ALDH1A2: variants seen among roughly 807,000 people sequenced by gnomAD.
ALDH1A2 encodes the protein retinal dehydrogenase 2.
Under a neutral mutation model 60.3 loss-of-function variants are expected in ALDH1A2, and 27 were observed. The observed-to-expected ratio is 0.45, with a 90% CI of 0.33 to 0.62. The LOEUF (loss-of-function observed/expected upper bound fraction) is 0.62, where lower values mean the gene tolerates loss of function less well. Among genes scored for constraint, ALDH1A2 ranks in the 20% least tolerant of loss-of-function variants. ALDH1A2 has a pLI of 0.02. For synonymous variants in ALDH1A2, 289 were observed against 232.4 expected (o/e 1.24, Z -2.21); for missense variants, 581 against 643.8 (o/e 0.90, Z 1.06).
intron 1 of ALDH1A2, among the ~76,000 whole-genome samples, chr15:58,018,407 T>A (rs1055748003): frequency 6.6e-6 from 1 of 152,058 alleles, no homozygotes; most frequent in Non-Finnish European, 1.5e-5. Context: ...CTACTAGATG[T>A]GAAGAGATGA....
chr15:58,003,665 G>A (rs769278604), intron 4 of ALDH1A2, among the ~76,000 whole-genome samples: 3 of 151,810 alleles, frequency 2.0e-5, no homozygotes, highest in Non-Finnish European at 4.4e-5. Flanking sequence ...CTAAGTAAAT[G>A]AAAACCAAGC....
chr15:57,964,100 CT>C, intron 8 of ALDH1A2, 31 bp from the exon 9 acceptor site: 2 of 1,612,900 alleles, frequency 1.2e-6, no homozygotes, highest in Middle Eastern at 1.8e-4. Context: ...GTTCTCACCG[CT>C]TTGCCTGGGG....
chr15:58,054,170 A>T (rs1233378707), intron 1 of ALDH1A2, among the ~76,000 whole-genome samples: 1 of 152,140 alleles, frequency 6.6e-6, no homozygotes, highest in East Asian at 1.9e-4. Context: ...TAAACGAGAA[A>T]TAAGAGTTAT....
At chr15:57,975,939 G>T (rs1357722734) in intron 7 of ALDH1A2, among the ~76,000 whole-genome samples, 1 of 152,012 alleles carries the variant, frequency 6.6e-6, no homozygotes, top group Non-Finnish European at 1.5e-5. Flanking sequence ...GATACACATG[G>T]CCAAGACTTA....
At chr15:57,984,453 T>C (rs1894629875) in intron 7 of ALDH1A2, among the ~76,000 whole-genome samples, 1 of 152,202 alleles carries the variant, frequency 6.6e-6, no homozygotes, top group Non-Finnish European at 1.5e-5. Flanking sequence ...GAGTTGTGCA[T>C]CCATCACAAC....
intron 1 of ALDH1A2, among the ~76,000 whole-genome samples, chr15:58,027,608 A>C (rs1227526054): frequency 6.6e-6 from 1 of 152,158 alleles, no homozygotes; most frequent in African/African-American, 2.4e-5. Context: ...CTCTGAGCTA[A>C]AGGAGCATGT....
chr15:57,980,374 G>A, intron 7 of ALDH1A2: 1 of 374,252 alleles, frequency 2.7e-6, no homozygotes, highest in Non-Finnish European at 5.4e-6. Flanking sequence ...CAGCCTTGAT[G>A]AAGTTGGAGA....
At chr15:58,065,033 G>A (rs11637348) in intron 1 of ALDH1A2, among the ~76,000 whole-genome samples, 69 of 152,236 alleles carry the variant, frequency 4.5e-4, no homozygotes, top group Non-Finnish European at 8.4e-4. Flanking sequence ...CGGCCAGAGC[G>A]CTGGTGTCTT....
At chr15:57,997,970 A>G (rs1895120928) in intron 4 of ALDH1A2, among the ~76,000 whole-genome samples, 1 of 152,034 alleles carries the variant, frequency 6.6e-6, no homozygotes, top group African/African-American at 2.4e-5. Context: ...CAAAGAAAGG[A>G]GGCTACTTTC....
chr15:58,051,051 T>A (rs1313063773), intron 1 of ALDH1A2, among the ~76,000 whole-genome samples: 1 of 152,160 alleles, frequency 6.6e-6, no homozygotes, highest in Non-Finnish European at 1.5e-5. Flanking sequence ...TTTTTACATA[T>A]CTGTTGATAT....
chr15:57,984,445 G>T (rs1255875821), intron 7 of ALDH1A2, among the ~76,000 whole-genome samples: 6 of 152,132 alleles, frequency 3.9e-5, no homozygotes, highest in Non-Finnish European at 7.4e-5. Flanking sequence ...TATTAACAGA[G>T]TTGTGCATCC....
chr15:57,956,318 G>C (rs1182243588), intron 12 of ALDH1A2, among the ~76,000 whole-genome samples: 2 of 152,178 alleles, frequency 1.3e-5, no homozygotes, highest in South Asian at 4.1e-4. Flanking sequence ...ACAATTAGGA[G>C]ATATATTTGA....
intron 1 of ALDH1A2, among the ~76,000 whole-genome samples, chr15:58,025,161 G>A (rs1483775710): frequency 1.1e-4 from 16 of 151,938 alleles, no homozygotes; most frequent in African/African-American, 3.9e-4. Flanking sequence ...CCCCAAATTA[G>A]CAGAAGAAAA....
At chr15:58,062,231 T>C (rs1430805788) in intron 1 of ALDH1A2, among the ~76,000 whole-genome samples, 1 of 151,872 alleles carries the variant, frequency 6.6e-6, no homozygotes, top group African/African-American at 2.4e-5. Flanking sequence ...AAAACATAAC[T>C]CTTTGTTACT....
At chr15:57,993,126 T>G in intron 5 of ALDH1A2, 53 bp from the exon 6 acceptor site, 2 of 1,601,456 alleles carry the variant, frequency 1.2e-6, no homozygotes, top group Non-Finnish European at 1.7e-6. Flanking sequence ...TTCCACTACT[T>G]TGTTTTCAAG....
chr15:58,055,824 T>A (rs1407940134), intron 1 of ALDH1A2, among the ~76,000 whole-genome samples: 2 of 152,088 alleles, frequency 1.3e-5, no homozygotes, highest in African/African-American at 4.8e-5. Flanking sequence ...ACCTGGTGCT[T>A]AGGAATAATT....
intron 4 of ALDH1A2, among the ~76,000 whole-genome samples, chr15:58,002,330 G>A (rs1399989287): frequency 6.6e-6 from 1 of 151,890 alleles, no homozygotes; most frequent in Non-Finnish European, 1.5e-5. Context: ...CTGAGCCACT[G>A]TTCTATGTTT....
chr15:57,998,232 A>T (rs566735117), intron 4 of ALDH1A2, among the ~76,000 whole-genome samples: 3 of 152,244 alleles, frequency 2.0e-5, no homozygotes, highest in African/African-American at 7.2e-5. Context: ...AATAAAGGGC[A>T]TTCAAATAGG....
chr15:57,955,810 G>A lies in ALDH1A2; in HGVS notation c.1485-541C>T, dbSNP rs567349592. On this transcript the variant is annotated intron_variant, in intron 12 of 12. Transcript: ENST00000249750. Reference sequence around the variant, plus strand: ...TCTAAGTGTTCCTGTCCTTCTGCGTGTTTACTACAGTGCTCCTTCTCCTCC... The same window carrying A: ...TCTAAGTGTTCCTGTCCTTCTGCGTATTTACTACAGTGCTCCTTCTCCTCC... Among the ~76,000 whole-genome samples the A allele has an allele frequency of 2.6e-5, 4 of 152,302 alleles. No individual in the cohort carries two copies. In the East Asian group the frequency reaches 7.7e-4, roughly 29 times the overall value.
Sources: gnomAD v4.1 joint callset for allele counts (sites outside exome capture counted in the v4.1 genomes callset) on GRCh38, gnomAD v4.1.1 for gene constraint, MANE v1.5 for transcripts, NCBI Gene and HGNC (gene_info 2026-07-23, HGNC 2026-07-21) for gene names.